The following TLN2 variants were observed in gnomAD, a reference collection of about 807,000 sequenced individuals.
TLN2 encodes the protein talin 2, also known as talin-2.
In TLN2, 118 loss-of-function variants were observed where a neutral mutation model predicts 294.7. The ratio of observed to expected loss-of-function variants is 0.40; its 90% CI spans 0.34 to 0.47. The LOEUF (loss-of-function observed/expected upper bound fraction) is 0.47, where lower values mean the gene tolerates loss of function less well. TLN2 is among the 20% of genes least tolerant of loss of function. TLN2 has a pLI of 0.84. For missense variants in TLN2, 3,083 were observed against 3,282.2 expected, an observed-to-expected ratio of 0.94 and a Z score of 1.48; for synonymous variants, 1,431 against 1,304.5, an observed-to-expected ratio of 1.10 and a Z score of -2.09.
chr15:62,471,264 A>G (rs1229473095), intron 1 of TLN2, among the ~76,000 whole-genome samples: 1 of 152,170 alleles, frequency 6.6e-6, no homozygotes. Flanking sequence ...ACTTGAGCCC[A>G]GGAGGTCGAG....
chr15:62,769,490 G>A (rs2063219101), intron 41 of TLN2, among the ~76,000 whole-genome samples: 1 of 152,228 alleles, frequency 6.6e-6, no homozygotes, highest in African/African-American at 2.4e-5. Context: ...CTAAGGGCCG[G>A]GAACAGCCCT....
chr15:62,842,239 A>C lies in TLN2; in HGVS notation c.*1629A>C, dbSNP rs950197982. On this transcript the variant is annotated 3_prime_UTR_variant, in exon 59 of 59. Transcript: ENST00000636159. The stretch of plus-strand genomic sequence containing the variant: ...TCAGACCAGTAAAGTTAGAGAAAAG[A>C]CGCTGTAAAGGAAAAGCAAGTGAGA... The C allele has an allele frequency of 2.0e-5, 3 of 152,178 alleles. No homozygotes were observed. The highest frequency in any genetic ancestry group is 7.2e-5 in the African/African-American group (3 of 41,426). 9.4% of individuals were successfully genotyped at this position (152,178 alleles called of 1,614,324 possible).
intron 20 of TLN2, among the ~76,000 whole-genome samples, chr15:62,708,189 A>G (rs998881699): frequency 1.3e-5 from 2 of 152,200 alleles, no homozygotes; most frequent in African/African-American, 4.8e-5. Context: ...TGAAGGAGGT[A>G]TAATTGGGAA....
At chr15:62,453,519 A>G (rs2036277187) in intron 1 of TLN2, 1 of 152,208 alleles carries the variant, frequency 6.6e-6, no homozygotes. Context: ...CCAGCTGCTT[A>G]TCTGCCCCTG....
chr15:62,607,297 G>A (rs1454708979), intron 2 of TLN2, among the ~76,000 whole-genome samples: 1 of 152,136 alleles, frequency 6.6e-6, no homozygotes. Context: ...TGACAACAAG[G>A]CCTCTCTGAG....
At chr15:62,418,131 G>A (rs1338674014) in intron 1 of TLN2, among the ~76,000 whole-genome samples, 2 of 152,154 alleles carry the variant, frequency 1.3e-5, no homozygotes, top group Non-Finnish European at 2.9e-5. Flanking sequence ...CTTAATATGT[G>A]ACCTACAAGA....
At chr15:62,466,891 C>G (rs1349672429) in intron 1 of TLN2, among the ~76,000 whole-genome samples, 2 of 152,190 alleles carry the variant, frequency 1.3e-5, no homozygotes, top group Non-Finnish European at 2.9e-5. Flanking sequence ...TTGCAAATGG[C>G]TGTGAATGGG....
chr15:62,744,632 C>A (rs1473719386), intron 32 of TLN2, among the ~76,000 whole-genome samples: 1 of 151,982 alleles, frequency 6.6e-6, no homozygotes, highest in Non-Finnish European at 1.5e-5. Context: ...CTGCAGCCTC[C>A]ACCTCCCGGG....
intron 1 of TLN2, among the ~76,000 whole-genome samples, chr15:62,482,959 G>A (rs558466677): frequency 1.3e-5 from 2 of 152,250 alleles, no homozygotes; most frequent in African/African-American, 2.4e-5. Context: ...GCTCAGGAGC[G>A]ACCCCTTCTT....
chr15:62,394,840 A>G (rs752201276), intron 1 of TLN2, among the ~76,000 whole-genome samples: 9 of 152,248 alleles, frequency 5.9e-5, no homozygotes, highest in Non-Finnish European at 1.0e-4. Context: ...AAAATGCTTT[A>G]GTTGTGAGAG....
chr15:62,778,682 T>C (rs1264036458), intron 43 of TLN2, among the ~76,000 whole-genome samples: 1 of 152,248 alleles, frequency 6.6e-6, no homozygotes, highest in Non-Finnish European at 1.5e-5. Context: ...AGAGACACAT[T>C]TGATTCTTTT....
At chr15:62,772,196 A>G (rs1054124846) in intron 42 of TLN2, among the ~76,000 whole-genome samples, 7 of 151,972 alleles carry the variant, frequency 4.6e-5, no homozygotes, top group Non-Finnish European at 8.8e-5. Flanking sequence ...GCCTCGAGCA[A>G]TCCTCCCCAT....
At chr15:62,621,693 A>T (rs183423839) in intron 3 of TLN2, among the ~76,000 whole-genome samples, 78 of 152,332 alleles carry the variant, frequency 5.1e-4, no homozygotes, top group African/African-American at 1.7e-3. Context: ...TTATTTGCCT[A>T]GATTTCTTGG....
intron 1 of TLN2, among the ~76,000 whole-genome samples, chr15:62,544,790 G>C (rs1264512472): frequency 6.6e-6 from 1 of 151,476 alleles, no homozygotes; most frequent in African/African-American, 2.4e-5. Context: ...TCCTAGAATG[G>C]CAGGTTCTAA....
At chr15:62,391,687 T>C (rs1287641299) in intron 1 of TLN2, among the ~76,000 whole-genome samples, 1 of 152,230 alleles carries the variant, frequency 6.6e-6, no homozygotes, top group African/African-American at 2.4e-5. Flanking sequence ...CGCGCACGAC[T>C]GCTGTCCCCG....
chr15:62,840,870 C>T lies in TLN2; in HGVS notation c.*260C>T, dbSNP rs1305280431. ...CCGTGTCTCAGGAGAGAGGGGTGCA[C>T]GTTTCATGGACTGTTACCAACAAAG... is the stretch of plus-strand genomic sequence containing the variant. On this transcript the variant is annotated 3_prime_UTR_variant, in exon 59 of 59. Transcript: ENST00000636159. 7 of 427,348 alleles carry T rather than the reference C, an allele frequency of 1.6e-5. No individual in the cohort carries two copies. Among genetic ancestry groups the T allele is most frequent in the South Asian group, 9.0e-5 (2 of 22,130 alleles). The allele number at this position is 427,348 out of a possible 1,614,324, so 26.5% of individuals were successfully genotyped here. A position where few individuals can be genotyped will look rare whatever the true frequency, so the allele number is the denominator to read the frequency against.
intron 9 of TLN2, among the ~76,000 whole-genome samples, chr15:62,662,075 A>C (rs770095749): frequency 2.6e-5 from 4 of 152,150 alleles, no homozygotes; most frequent in Admixed American, 6.5e-5. Context: ...AGAAGAAATA[A>C]GATATTTAAA....
At chr15:62,626,390 G>A (rs1343103448) in intron 3 of TLN2, among the ~76,000 whole-genome samples, 3 of 152,196 alleles carry the variant, frequency 2.0e-5, no homozygotes, top group Non-Finnish European at 2.9e-5. Context: ...ACATCTGACA[G>A]TATGTGATCT....
At chr15:62,787,693 CTTTTTTTT>C (rs71672889) in intron 45 of TLN2, among the ~76,000 whole-genome samples, 63 of 65,588 alleles carry the variant, frequency 9.6e-4, no homozygotes, top group African/African-American at 3.2e-3. Context: ...AACTCCTTAT[CTTTTTTTT>C]TTTTTTTTTT....
Sources: allele counts gnomAD v4.1 joint callset (sites outside exome capture counted in the v4.1 genomes callset), GRCh38; gene constraint gnomAD v4.1.1; transcripts MANE v1.5; gene names NCBI Gene and HGNC (gene_info 2026-07-23, HGNC 2026-07-21).